PACS1: variants seen among roughly 807,000 people sequenced by gnomAD.
PACS1 encodes PACS-1.
In PACS1, 24 loss-of-function variants were observed where a neutral mutation model predicts 115.0. The ratio of observed to expected loss-of-function variants is 0.21; its 90% CI spans 0.15 to 0.29. The LOEUF (loss-of-function observed/expected upper bound fraction) is 0.29. Among genes scored for constraint, PACS1 ranks in the 10% least tolerant of loss-of-function variants. PACS1 has a pLI of 1.00. For synonymous variants in PACS1, 453 were observed against 504.5 expected, an observed-to-expected ratio of 0.90 and a Z score of 1.37; for missense variants, 838 against 1,251.2, an observed-to-expected ratio of 0.67 and a Z score of 4.98.
At chr11:66,088,402 T>C (rs1340164242) in intron 1 of PACS1, among the ~76,000 whole-genome samples, 1 of 152,226 alleles carries the variant, frequency 6.6e-6, no homozygotes, top group Non-Finnish European at 1.5e-5. Context: ...ACATTTAGAG[T>C]TCCAGTCCAT....
intron 1 of PACS1, among the ~76,000 whole-genome samples, chr11:66,129,617 G>C (rs1858658504): frequency 6.6e-6 from 1 of 151,920 alleles, no homozygotes; most frequent in Non-Finnish European, 1.5e-5. Flanking sequence ...CAGTAAGAAG[G>C]GTTTTTGTGT....
intron 1 of PACS1, among the ~76,000 whole-genome samples, chr11:66,185,822 G>C (rs1423477879): frequency 6.6e-6 from 1 of 152,144 alleles, no homozygotes; most frequent in Non-Finnish European, 1.5e-5. Context: ...TGGCCAACTG[G>C]TTCTTTTTGA....
chr11:66,188,140 T>C (rs922287028), intron 1 of PACS1, among the ~76,000 whole-genome samples: 5 of 151,426 alleles, frequency 3.3e-5, no homozygotes, highest in Admixed American at 2.6e-4. Context: ...TCAGATCGTT[T>C]GGCGATTTTT....
At chr11:66,103,933 C>T (rs74650841) in intron 1 of PACS1, among the ~76,000 whole-genome samples, 1 of 147,500 alleles carries the variant, frequency 6.8e-6, no homozygotes, top group African/African-American at 2.5e-5. Flanking sequence ...CCCATCCCCT[C>T]CCCCCACTCC....
At position 66,098,588 on chromosome 11, in the gene PACS1, A is replaced by G. The variant is rs569509087; in HGVS notation, c.356+27746A>G. On this transcript the variant is annotated intron_variant, in intron 1 of 23. Coordinates refer to ENST00000320580, the MANE Select transcript of PACS1 (RefSeq NM_018026.4). ...ACTACATACTCCTTTAAGTCAGACA[A>G]TTTGCAGTGATAAAACCCTATTGTC... is the stretch of plus-strand genomic sequence containing the variant. Among the ~76,000 whole-genome samples, 7 of 152,264 alleles carry G rather than the reference A, an allele frequency of 4.6e-5. No homozygotes were observed. In the East Asian group the frequency reaches 1.2e-3, roughly 25 times the overall value.
intron 1 of PACS1, among the ~76,000 whole-genome samples, chr11:66,176,644 T>C (rs1427885233): frequency 2.0e-5 from 3 of 152,216 alleles, no homozygotes; most frequent in South Asian, 4.1e-4. Context: ...AGACTCCTGA[T>C]AGCAAGTGAT....
rs1855842409 is a variant in PACS1 at position 66,242,793 on chromosome 11, G to GTCCT, written c.2657-119_2657-118insTCCT. ...ACCCACAGCCCAGTGCCAGGGAGGA[G>GTCCT]GGGTTGGTTTGCAGATCACCTCCCC... On this transcript the variant is annotated intron_variant, in intron 22 of 23. Coordinates refer to ENST00000320580, the MANE Select transcript of PACS1 (RefSeq NM_018026.4). 7 of 1,335,756 alleles carry GTCCT rather than the reference G, an allele frequency of 5.2e-6. No homozygotes were observed. The Middle Eastern group carries it at 8.0e-4, about 152-fold the overall frequency. The allele number at this position is 1,335,756 out of a possible 1,614,324, so 82.7% of individuals were successfully genotyped here.
chr11:66,149,822 T>C (rs1162641329), intron 1 of PACS1, among the ~76,000 whole-genome samples: 1 of 152,126 alleles, frequency 6.6e-6, no homozygotes, highest in Non-Finnish European at 1.5e-5. Flanking sequence ...TGATCTCGGC[T>C]CACTGCAACC....
intron 10 of PACS1, among the ~76,000 whole-genome samples, chr11:66,221,823 A>C (rs1355397938): frequency 6.6e-6 from 1 of 151,894 alleles, no homozygotes; most frequent in East Asian, 1.9e-4. Flanking sequence ...AATACATACA[A>C]TCTCCCCCTC....
chr11:66,190,289 G>A (rs769766205), intron 1 of PACS1, among the ~76,000 whole-genome samples: 2 of 152,090 alleles, frequency 1.3e-5, no homozygotes, highest in South Asian at 2.1e-4. Context: ...GAGGACGAAC[G>A]TTGGGCATAT....
At position 66,236,226 on chromosome 11, in the gene PACS1, C is replaced by A. The variant is rs1855700586; in HGVS notation, c.2250+286C>A. Among the ~76,000 whole-genome samples the A allele has an allele frequency of 6.6e-6, 1 of 152,166 alleles. No homozygotes were observed. Among genetic ancestry groups the A allele is most frequent in the Non-Finnish European group, 1.5e-5 (1 of 68,032 alleles). ...TGTCAGTAGTGCAGAGGTGGAGAAA[C>A]CCTGGGCCGGACATGGATTGGGCTG... On this transcript the variant is annotated intron_variant, in intron 19 of 23. Transcript: ENST00000320580. The surrounding 1 kb of genome is among the most constrained non-coding windows in gnomAD (Gnocchi z 4.2).
chr11:66,200,776 G>A (rs985759786), intron 2 of PACS1, among the ~76,000 whole-genome samples: 2 of 151,834 alleles, frequency 1.3e-5, no homozygotes, highest in Non-Finnish European at 2.9e-5. Flanking sequence ...AGACTTAACC[G>A]CACTATAGAC....
intron 1 of PACS1, among the ~76,000 whole-genome samples, chr11:66,090,307 C>T (rs1413765420): frequency 3.3e-5 from 4 of 122,832 alleles, no homozygotes; most frequent in Non-Finnish European, 6.4e-5. Context: ...GGGTCTTGCT[C>T]TGTTGCCCAT....
intron 22 of PACS1, 121 bp downstream of exon 22, chr11:66,241,774 C>T: frequency 1.3e-6 from 1 of 781,790 alleles, no homozygotes; most frequent in South Asian, 1.8e-5. Flanking sequence ...CATGGTCTGG[C>T]ATGGGGTGCA....
chr11:66,202,372 G>A (rs1233116130), intron 2 of PACS1, among the ~76,000 whole-genome samples: 1 of 152,056 alleles, frequency 6.6e-6, no homozygotes, highest in African/African-American at 2.4e-5. Flanking sequence ...ATATTCCTCT[G>A]ATACCAAAAC....
At chr11:66,192,287 C>T (rs536369746) in intron 1 of PACS1, among the ~76,000 whole-genome samples, 9 of 152,164 alleles carry the variant, frequency 5.9e-5, no homozygotes, top group South Asian at 2.1e-4. Flanking sequence ...GCTGCCTGCC[C>T]GCCGGAAGTT....
rs1855851035 is a variant in PACS1 at position 66,243,198 on chromosome 11, A to G, written c.2810A>G (p.Lys937Arg). 1.2e-6 allele frequency: 2 copies of G among 1,613,346 alleles called. No homozygotes were observed. Among genetic ancestry groups the G allele is most frequent in the Non-Finnish European group, 1.7e-6 (2 of 1,179,726 alleles). ...GATGGGGTCGAGTGGAGTGACATCAAGTTCTTCCAGCTGGCAGCCCAGTGG... is the reference window on the plus strand; with the variant it reads ...GATGGGGTCGAGTGGAGTGACATCAGGTTCTTCCAGCTGGCAGCCCAGTGG... The part of the protein sequence containing the change: ...SIDGVEWSDI[K>R]FFQLAAQWPT... Residue 937 changes from lysine to arginine, a missense_variant, in exon 24 of 24, where the codon AAG becomes AGG. Lys to Arg is a conservative substitution (Grantham distance 26, BLOSUM62 2). Around this residue, in one of 6 missense-constraint regions of PACS1, gnomAD observed 84 missense variants for 187.1 expected, o/e 0.45. Transcript: ENST00000320580.
chr11:66,127,571 C>CG, intron 1 of PACS1, among the ~76,000 whole-genome samples: 1 of 152,294 alleles, frequency 6.6e-6, no homozygotes, highest in East Asian at 1.9e-4. Flanking sequence ...CACACAAAGA[C>CG]AAGTGCATCA....
intron 1 of PACS1, among the ~76,000 whole-genome samples, chr11:66,142,420 C>G (rs546041866): frequency 6.6e-6 from 1 of 152,094 alleles, no homozygotes; most frequent in African/African-American, 2.4e-5. Context: ...ATCCTCACGC[C>G]TGATCCTTCT....
Sources: allele counts gnomAD v4.1 joint callset (sites outside exome capture counted in the v4.1 genomes callset), GRCh38; gene constraint gnomAD v4.1.1; regional missense constraint gnomAD v4.1.1; non-coding constraint Gnocchi (gnomAD v3.1); transcripts MANE v1.5; gene names NCBI Gene and HGNC (gene_info 2026-07-23, HGNC 2026-07-21).